CWF19L2: variants seen among roughly 807,000 people sequenced by gnomAD.
The protein encoded by CWF19L2 is CWF19-like protein 2.
A neutral mutation model predicts 111.7 loss-of-function variants in CWF19L2; 98 were observed. The ratio of observed to expected loss-of-function variants is 0.88; its 90% CI spans 0.75 to 1.04. The LOEUF (loss-of-function observed/expected upper bound fraction) is 1.04. Among genes scored for constraint, CWF19L2 ranks in the 50% least tolerant of loss-of-function variants. The pLI is 0.00. For missense variants in CWF19L2, 1,101 were observed against 1,051.4 expected, an observed-to-expected ratio of 1.05 and a Z score of -0.65; for synonymous variants, 351 against 342.9, an observed-to-expected ratio of 1.02 and a Z score of -0.26.
At chr11:107,372,732 T>A (rs1565257853) in intron 12 of CWF19L2, among the ~76,000 whole-genome samples, 1 of 134,620 alleles carries the variant, frequency 7.4e-6, no homozygotes. Flanking sequence ...GGCTATTTGG[T>A]AGACCAGATA....
chr11:107,333,923 T>TA (rs1158064750), intron 16 of CWF19L2, among the ~76,000 whole-genome samples: 1 of 152,200 alleles, frequency 6.6e-6, no homozygotes, highest in Non-Finnish European at 1.5e-5. Context: ...TCGCAGGTCA[T>TA]ACGTTCTCTG....
chr11:107,421,288 A>G (rs1018275388), intron 8 of CWF19L2, among the ~76,000 whole-genome samples: 2 of 152,094 alleles, frequency 1.3e-5, no homozygotes, highest in East Asian at 1.9e-4. Flanking sequence ...TCATAGCACT[A>G]AATATTTATA....
At chr11:107,332,920 G>A (rs535835633) in intron 16 of CWF19L2, among the ~76,000 whole-genome samples, 43 of 152,134 alleles carry the variant, frequency 2.8e-4, no homozygotes, top group African/African-American at 9.9e-4. Flanking sequence ...AGGAGTTCGA[G>A]ACCAGCCTGA....
At chr11:107,353,218 T>G (rs757639225) in intron 13 of CWF19L2, among the ~76,000 whole-genome samples, 1 of 152,194 alleles carries the variant, frequency 6.6e-6, no homozygotes, top group Non-Finnish European at 1.5e-5. Context: ...GTCTCAACTT[T>G]TCCCCAGTGA....
At chr11:107,423,897 T>C (rs976153439) in intron 8 of CWF19L2, among the ~76,000 whole-genome samples, 8 of 150,934 alleles carry the variant, frequency 5.3e-5, no homozygotes, top group Admixed American at 2.0e-4. Flanking sequence ...AATGTCAATA[T>C]GACAATAGAT....
chr11:107,420,415 G>A (rs1038657177), intron 8 of CWF19L2, among the ~76,000 whole-genome samples: 2 of 152,026 alleles, frequency 1.3e-5, no homozygotes, highest in Non-Finnish European at 2.9e-5. Flanking sequence ...AATATTACCA[G>A]GGACAAAGAA....
At chr11:107,424,706 A>AT (rs1467708089) in intron 8 of CWF19L2, among the ~76,000 whole-genome samples, 2 of 151,838 alleles carry the variant, frequency 1.3e-5, no homozygotes, top group Non-Finnish European at 2.9e-5. Flanking sequence ...GCTCCACACA[A>AT]TTTTTTTAGT....
At chr11:107,421,751 T>C (rs1861305487) in intron 8 of CWF19L2, among the ~76,000 whole-genome samples, 1 of 152,150 alleles carries the variant, frequency 6.6e-6, no homozygotes, top group Non-Finnish European at 1.5e-5. Context: ...TTATACACTG[T>C]TGGTGATCAT....
chr11:107,403,735 C>T, intron 10 of CWF19L2: 1 of 866,782 alleles, frequency 1.2e-6, no homozygotes, highest in Admixed American at 1.7e-5. Flanking sequence ...CCCTTTCCTC[C>T]TGCTTTTTGC....
At chr11:107,416,406 T>A in intron 9 of CWF19L2, 108 bp from the exon 10 acceptor site, 1 of 423,308 alleles carries the variant, frequency 2.4e-6, no homozygotes, top group East Asian at 4.0e-5. Context: ...CCAACACTCA[T>A]GTAGCCTTCA....
chr11:107,362,081 G>A (rs548261351), intron 12 of CWF19L2, among the ~76,000 whole-genome samples: 10 of 152,210 alleles, frequency 6.6e-5, no homozygotes, highest in South Asian at 2.1e-4. Flanking sequence ...CTGGAAAATC[G>A]AGTCACTCCC....
intron 17 of CWF19L2, among the ~76,000 whole-genome samples, chr11:107,327,525 T>C (rs1859778913): frequency 6.6e-6 from 1 of 152,206 alleles, no homozygotes; most frequent in Admixed American, 6.5e-5. Context: ...GAAATCTTTT[T>C]TCATGAAACA....
chr11:107,358,794 C>T (rs1214031630), intron 12 of CWF19L2, among the ~76,000 whole-genome samples: 1 of 152,104 alleles, frequency 6.6e-6, no homozygotes, highest in Non-Finnish European at 1.5e-5. Flanking sequence ...GTGAGTCTTT[C>T]CAGTAAAATA....
chr11:107,413,199 C>A (rs919108144), intron 10 of CWF19L2, among the ~76,000 whole-genome samples: 1 of 152,014 alleles, frequency 6.6e-6, no homozygotes, highest in East Asian at 1.9e-4. Context: ...CTATTGATAA[C>A]GGGGGAGGCT....
chr11:107,356,432 G>T (rs1860238301), intron 12 of CWF19L2, among the ~76,000 whole-genome samples: 1 of 152,124 alleles, frequency 6.6e-6, no homozygotes, highest in African/African-American at 2.4e-5. Context: ...ATTTCTTAGA[G>T]CACACTGACT....
At chr11:107,405,027 A>G (rs548927095) in intron 10 of CWF19L2, among the ~76,000 whole-genome samples, 2 of 152,348 alleles carry the variant, frequency 1.3e-5, no homozygotes, top group Admixed American at 1.3e-4. Flanking sequence ...TCAACAACCT[A>G]TGGGCCACAG....
chr11:107,435,498 GA>G (rs893227405), intron 6 of CWF19L2, among the ~76,000 whole-genome samples: 11 of 146,990 alleles, frequency 7.5e-5, no homozygotes, highest in South Asian at 4.3e-4. Context: ...TAATAGCTCA[GA>G]AAAAAAAAAT....
chr11:107,365,238 C>T (rs2134564152), intron 12 of CWF19L2, among the ~76,000 whole-genome samples: 1 of 148,372 alleles, frequency 6.7e-6, no homozygotes, highest in Non-Finnish European at 1.5e-5. Flanking sequence ...CGAATTCTAT[C>T]AGAGGTACAA....
intron 14 of CWF19L2, chr11:107,345,348 A>G (rs1482173193): frequency 6.0e-6 from 2 of 333,014 alleles, no homozygotes; most frequent in African/African-American, 4.4e-5. Context: ...TTTTCAAAGA[A>G]GAAAAGATGT....
Sources: gnomAD v4.1 joint callset for allele counts (sites outside exome capture counted in the v4.1 genomes callset) on GRCh38, gnomAD v4.1.1 for gene constraint, MANE v1.5 for transcripts, NCBI Gene and HGNC (gene_info 2026-07-23, HGNC 2026-07-21) for gene names.